Variants in OXR1 observed in about 807,000 individuals in gnomAD.
OXR1 encodes the protein oxidation resistance protein 1.
In OXR1, 41 loss-of-function variants were observed where a neutral mutation model predicts 104.6. That is an observed-to-expected ratio of 0.39 (90% CI 0.31 to 0.51). The LOEUF is 0.51. OXR1 is among the 20% of genes least tolerant of loss of function. The pLI is 0.77. For synonymous variants in OXR1, 348 were observed against 348.4 expected, an observed-to-expected ratio of 1.00 and a Z score of 0.01; for missense variants, 955 against 1,031.9, an observed-to-expected ratio of 0.93 and a Z score of 1.02.
At chr8:106,307,000 T>C (rs189315724) in intron 1 of OXR1, among the ~76,000 whole-genome samples, 3 of 152,210 alleles carry the variant, frequency 2.0e-5, no homozygotes, top group Admixed American at 2.0e-4. Context: ...GAAGCACTTG[T>C]AGCTTCACCT....
intron 3 of OXR1, among the ~76,000 whole-genome samples, chr8:106,676,506 G>A (rs1026892691): frequency 1.2e-4 from 18 of 152,070 alleles, no homozygotes; most frequent in African/African-American, 4.1e-4. Context: ...CAGTACTCTT[G>A]GCATTTGCTC....
intron 3 of OXR1, among the ~76,000 whole-genome samples, chr8:106,610,869 TAC>T (rs1346525678): frequency 6.6e-6 from 1 of 152,258 alleles, no homozygotes; most frequent in East Asian, 1.9e-4. Context: ...ATAAAGCATG[TAC>T]ACAGTCCTTC....
At chr8:106,476,974 C>A (rs531069946) in intron 2 of OXR1, among the ~76,000 whole-genome samples, 1 of 151,952 alleles carries the variant, frequency 6.6e-6, no homozygotes, top group East Asian at 1.9e-4. Flanking sequence ...AGAGCTGCAG[C>A]CACGACTACA....
chr8:106,423,696 G>A (rs553081102), intron 2 of OXR1, among the ~76,000 whole-genome samples: 8 of 152,098 alleles, frequency 5.3e-5, no homozygotes, highest in Non-Finnish European at 1.0e-4. Context: ...ATTTGTGCAC[G>A]TGGGCAGTAT....
chr8:106,584,569 A>G (rs1818489464), intron 3 of OXR1, among the ~76,000 whole-genome samples: 1 of 152,162 alleles, frequency 6.6e-6, no homozygotes, highest in Admixed American at 6.5e-5. Context: ...TAGCAATACT[A>G]GAAGCTACGA....
chr8:106,370,842 A>G (rs1444879336), intron 2 of OXR1, among the ~76,000 whole-genome samples: 1 of 152,070 alleles, frequency 6.6e-6, no homozygotes, highest in African/African-American at 2.4e-5. Flanking sequence ...CATCAGGGAT[A>G]TTGTCCTGAT....
chr8:106,647,685 T>G (rs1824199363), intron 3 of OXR1, among the ~76,000 whole-genome samples: 1 of 152,182 alleles, frequency 6.6e-6, no homozygotes, highest in African/African-American at 2.4e-5. Flanking sequence ...CATCAGTGGT[T>G]TGGCTTATCA....
chr8:106,349,951 G>T (rs1815655721), intron 1 of OXR1, among the ~76,000 whole-genome samples: 1 of 152,180 alleles, frequency 6.6e-6, no homozygotes, highest in South Asian at 2.1e-4. Context: ...GAGAATGTTA[G>T]AGTGAAGCTC....
chr8:106,658,284 C>G (rs897112087), intron 3 of OXR1: 114 of 1,210,186 alleles, frequency 9.4e-5, no homozygotes, highest in Admixed American at 1.3e-4. Context: ...CTGCCCGGCT[C>G]TGGCAGGTGT....
chr8:106,644,227 A>T (rs1338112028), intron 3 of OXR1, among the ~76,000 whole-genome samples: 1 of 152,232 alleles, frequency 6.6e-6, no homozygotes, highest in African/African-American at 2.4e-5. Flanking sequence ...ACTTATTCAC[A>T]TACACAAAAG....
intron 2 of OXR1, among the ~76,000 whole-genome samples, chr8:106,365,485 T>G (rs775895148): frequency 2.1e-4 from 32 of 149,450 alleles, no homozygotes; most frequent in Non-Finnish European, 2.2e-4. Context: ...GAATGAAAAA[T>G]GTGTCCTCCC....
intron 2 of OXR1, among the ~76,000 whole-genome samples, chr8:106,381,044 G>A (rs1817127279): frequency 6.6e-6 from 1 of 152,098 alleles, no homozygotes; most frequent in East Asian, 1.9e-4. Context: ...TATATATGCA[G>A]GATATTTAAT....
At chr8:106,284,732 C>T (rs1307658233) in intron 1 of OXR1, among the ~76,000 whole-genome samples, 1 of 151,950 alleles carries the variant, frequency 6.6e-6, no homozygotes, top group African/African-American at 2.4e-5. Flanking sequence ...AAACCACTTG[C>T]CTTTGTCATT....
rs1361818112 is a variant in OXR1 at position 106,706,510 on chromosome 8, C to T, written c.989C>T (p.Thr330Ile). 1.9e-6 allele frequency: 3 copies of T among 1,605,628 alleles called. No individual in the cohort carries two copies. In the Admixed American group the frequency reaches 5.3e-5, roughly 28 times the overall value. Reference protein sequence around the residue: ...NDSASTAPRSTEESLSEDVFT... With the variant: ...NDSASTAPRSIEESLSEDVFT... ...AGTGCCAGCACTGCTCCTAGGAGCA[C>T]TGAGGAGTCTCTTTCTGAAGATGTG... Residue 330 changes from threonine to isoleucine, a missense_variant, in exon 9 of 17, where the codon ACT becomes ATT. Coordinates refer to ENST00000517566, the MANE Select transcript of OXR1 (RefSeq NM_001198533.2).
chr8:106,487,180 C>A (rs536016155), intron 2 of OXR1, among the ~76,000 whole-genome samples: 3 of 151,472 alleles, frequency 2.0e-5, no homozygotes, highest in Non-Finnish European at 4.4e-5. Flanking sequence ...TGTGCTACCA[C>A]GCCCAGCTAA....
chr8:106,512,515 A>T (rs1301794319), intron 2 of OXR1, among the ~76,000 whole-genome samples: 1 of 152,182 alleles, frequency 6.6e-6, no homozygotes. Flanking sequence ...GTTATAATCC[A>T]GGCACAATTT....
intron 6 of OXR1, among the ~76,000 whole-genome samples, 154 bp downstream of exon 6, chr8:106,684,513 T>TA (rs1192367237): frequency 5.3e-5 from 8 of 152,214 alleles, no homozygotes; most frequent in African/African-American, 1.9e-4. Flanking sequence ...GCTTTAAAAA[T>TA]AAGACATTCT....
intron 6 of OXR1, 43 bp downstream of exon 6, chr8:106,684,402 A>C: frequency 2.0e-5 from 18 of 920,190 alleles, no homozygotes; most frequent in Non-Finnish European, 3.1e-5. Flanking sequence ...AAGAAATCTC[A>C]CTTTGTCTAC....
At chr8:106,346,822 G>A (rs1046616879) in intron 1 of OXR1, among the ~76,000 whole-genome samples, 1 of 152,084 alleles carries the variant, frequency 6.6e-6, no homozygotes, top group Non-Finnish European at 1.5e-5. Flanking sequence ...GGCGGATCAC[G>A]GGGTCAAGAG....
Sources: allele counts gnomAD v4.1 joint callset (sites outside exome capture counted in the v4.1 genomes callset), GRCh38; gene constraint gnomAD v4.1.1; transcripts MANE v1.5; gene names NCBI Gene and HGNC (gene_info 2026-07-23, HGNC 2026-07-21).